DLGAP1: variants seen among roughly 807,000 people sequenced by gnomAD.
DLGAP1 encodes the protein DLG associated protein 1, also known as disks large-associated protein 1.
DLGAP1 carries 11 observed loss-of-function variants against 90.8 expected under a neutral mutation model. The observed-to-expected ratio is 0.12, with a 90% CI of 0.08 to 0.20. The LOEUF (loss-of-function observed/expected upper bound fraction) is 0.20. DLGAP1 is among the 10% of genes least tolerant of loss of function. DLGAP1 has a pLI of 1.00. For synonymous variants in DLGAP1, 558 were observed against 540.7 expected, an observed-to-expected ratio of 1.03 and a Z score of -0.44; for missense variants, 1,050 against 1,333.8, an observed-to-expected ratio of 0.79 and a Z score of 3.31.
chr18:4,309,458 G>C (rs1440878382), intron 1 of DLGAP1, among the ~76,000 whole-genome samples: 5 of 152,142 alleles, frequency 3.3e-5, no homozygotes, highest in African/African-American at 4.8e-5. Flanking sequence ...TAGAAGGAGG[G>C]GGCATGGATG....
intron 1 of DLGAP1, among the ~76,000 whole-genome samples, chr18:4,295,605 A>T (rs911585287): frequency 1.3e-5 from 2 of 152,258 alleles, no homozygotes; most frequent in African/African-American, 4.8e-5. Context: ...TCAAGGACCT[A>T]TAATACTAAA....
At chr18:4,362,621 T>A (rs115952395) in intron 1 of DLGAP1, among the ~76,000 whole-genome samples, 1 of 152,106 alleles carries the variant, frequency 6.6e-6, no homozygotes, top group Admixed American at 6.6e-5. Flanking sequence ...AGAGTTTCAG[T>A]TTTGCAAGAT....
At chr18:3,868,695 T>C (rs1279917207) in intron 4 of DLGAP1, among the ~76,000 whole-genome samples, 1 of 152,238 alleles carries the variant, frequency 6.6e-6, no homozygotes, top group African/African-American at 2.4e-5. Context: ...TTTCATTGTT[T>C]TGATGACATT....
intron 1 of DLGAP1, among the ~76,000 whole-genome samples, chr18:4,432,444 A>G (rs1379052285): frequency 6.6e-6 from 1 of 151,548 alleles, no homozygotes; most frequent in Non-Finnish European, 1.5e-5. Context: ...AAAACTGTCC[A>G]ATAGCTCTAA....
chr18:3,923,896 A>G (rs2072322572), intron 3 of DLGAP1, among the ~76,000 whole-genome samples: 1 of 152,234 alleles, frequency 6.6e-6, no homozygotes. Flanking sequence ...AGACAAAACC[A>G]GTATCTTAAA....
Position 4,093,158 on chromosome 18 carries a change from G to A in DLGAP1, c.-159+58022C>T, listed in dbSNP as rs568583027. Among the ~76,000 whole-genome samples, 3 of 152,282 alleles carry A rather than the reference G, an allele frequency of 2.0e-5. No homozygotes were observed. The East Asian group carries it at 5.8e-4, about 29-fold the overall frequency. ...ATGTATTGTATGTGTATGTATGTAT[G>A]TATGTGCATGCAATGTGGTTGATGT... On this transcript the variant is annotated intron_variant, in intron 2 of 12. Transcript: ENST00000315677.
At position 4,324,476 on chromosome 18, in the gene DLGAP1, C is replaced by T. The variant is rs898139778; in HGVS notation, c.-267+130530G>A. ...GGTGCCATTCCCATTAAAACTATTC[C>T]AAAAAATTGAGGAGCAGGGACTCCT... is the stretch of plus-strand genomic sequence containing the variant. On this transcript the variant is annotated intron_variant, in intron 1 of 12. Coordinates refer to ENST00000315677, the MANE Select transcript of DLGAP1 (RefSeq NM_004746.4). Among the ~76,000 whole-genome samples, 5 of 151,832 alleles carry T rather than the reference C, an allele frequency of 3.3e-5. No homozygotes were observed. In the East Asian group the frequency reaches 5.8e-4, roughly 18 times the overall value.
At chr18:3,930,653 C>T (rs1662477093) in intron 3 of DLGAP1, among the ~76,000 whole-genome samples, 1 of 152,110 alleles carries the variant, frequency 6.6e-6, no homozygotes, top group Non-Finnish European at 1.5e-5. Flanking sequence ...ATGGGCATTG[C>T]TCTGTGCCTG....
At chr18:3,641,602 CACACACACACAG>C (rs1272164084) in intron 7 of DLGAP1, among the ~76,000 whole-genome samples, 1 of 150,218 alleles carries the variant, frequency 6.7e-6, no homozygotes, top group African/African-American at 2.5e-5. Flanking sequence ...CACACACACA[CACACACACACAG>C]ACACACACAG....
At chr18:3,853,693 A>G (rs762276928) in intron 4 of DLGAP1, among the ~76,000 whole-genome samples, 3 of 152,024 alleles carry the variant, frequency 2.0e-5, no homozygotes, top group Non-Finnish European at 2.9e-5. Flanking sequence ...AGCAACCCCA[A>G]TCCAAAAATC....
At chr18:3,683,915 C>T (rs990232706) in intron 7 of DLGAP1, among the ~76,000 whole-genome samples, 2 of 152,028 alleles carry the variant, frequency 1.3e-5, no homozygotes. Flanking sequence ...AAAATTTCAT[C>T]TTGCTCTTAA....
chr18:3,699,658 G>A (rs1013534240), intron 7 of DLGAP1, among the ~76,000 whole-genome samples: 2 of 152,182 alleles, frequency 1.3e-5, no homozygotes, highest in Admixed American at 1.3e-4. Context: ...AGCAGAGCTT[G>A]AGCACTGTGC....
At position 3,787,217 on chromosome 18, in the gene DLGAP1, C is replaced by T. The variant is rs202078181; in HGVS notation, c.1172+26842G>A. Among the ~76,000 whole-genome samples, 159 of 152,112 alleles carry T rather than the reference C, an allele frequency of 1.0e-3. 2 individuals carry two copies. In the East Asian group the frequency reaches 0.027, roughly 26 times the overall value. ...AAATGAGAGGGGCCAGGCGTGGTGG[C>T]TTACACCTGTAATCCCAGCACTTTG... is the stretch of plus-strand genomic sequence containing the variant. On this transcript the variant is annotated intron_variant, in intron 5 of 12. Transcript: ENST00000315677.
chr18:4,092,547 C>T (rs946632645), intron 2 of DLGAP1, among the ~76,000 whole-genome samples: 1 of 136,276 alleles, frequency 7.3e-6, no homozygotes, highest in African/African-American at 2.7e-5. Context: ...TCTTTTGTAC[C>T]CCTCACCCAG....
rs2143542713 is a variant in DLGAP1, at chr18:3,499,109, G to A, written c.*76C>T. The A allele has an allele frequency of 1.5e-6, 2 of 1,338,598 alleles. No homozygotes were observed. Among genetic ancestry groups the A allele is most frequent in the Non-Finnish European group, 2.0e-6 (2 of 1,011,862 alleles). 82.9% of individuals were successfully genotyped at this position (1,338,598 alleles called of 1,614,324 possible). A position where few individuals can be genotyped will look rare whatever the true frequency, so the allele number is the denominator to read the frequency against. Reference sequence around the variant, plus strand: ...TCGGGAGCGGACGGGCTCGGAGGGGGAGAGGCAGCCGGCAGAGGAGCGGCC... The same window carrying A: ...TCGGGAGCGGACGGGCTCGGAGGGGAAGAGGCAGCCGGCAGAGGAGCGGCC... On this transcript the variant is annotated 3_prime_UTR_variant, in exon 13 of 13. Transcript: ENST00000315677. This position sits in a 1 kb window ranked among gnomAD's most constrained non-coding sequence, Gnocchi z 6.4.
chr18:4,391,473 C>G (rs2082338842), intron 1 of DLGAP1, among the ~76,000 whole-genome samples: 1 of 152,148 alleles, frequency 6.6e-6, no homozygotes, highest in South Asian at 2.1e-4. Flanking sequence ...TATTTCTTTG[C>G]TACCTCAAAT....
intron 10 of DLGAP1, among the ~76,000 whole-genome samples, chr18:3,513,001 C>T (rs2050632125): frequency 6.6e-6 from 1 of 152,156 alleles, no homozygotes; most frequent in African/African-American, 2.4e-5. Flanking sequence ...ACTTTAGATC[C>T]ACTGGACAGC....
At chr18:3,741,008 C>CTG (rs2062904996) in intron 6 of DLGAP1, among the ~76,000 whole-genome samples, 1 of 101,478 alleles carries the variant, frequency 9.9e-6, no homozygotes, top group South Asian at 3.1e-4. Flanking sequence ...CTCACCACCA[C>CTG]CACCACCATC....
chr18:3,562,228 CA>C (rs2054166716), intron 9 of DLGAP1, among the ~76,000 whole-genome samples: 2 of 151,822 alleles, frequency 1.3e-5, no homozygotes, highest in African/African-American at 4.8e-5. Context: ...AACTCCGTCT[CA>C]AAAAATAATA....
Sources: gnomAD v4.1 joint callset for allele counts (sites outside exome capture counted in the v4.1 genomes callset) on GRCh38, gnomAD v4.1.1 for gene constraint, Gnocchi (gnomAD v3.1) non-coding constraint, MANE v1.5 for transcripts, NCBI Gene and HGNC (gene_info 2026-07-23, HGNC 2026-07-21) for gene names.